The following DNAH7 variants were observed in gnomAD, a reference collection of about 807,000 sequenced individuals.
DNAH7 encodes dynein axonemal heavy chain 7.
Under a neutral mutation model 444.6 loss-of-function variants are expected in DNAH7, and 397 were observed. That is an observed-to-expected ratio of 0.89 (90% CI 0.82 to 0.97). The LOEUF is 0.97. DNAH7 is among the 50% of genes least tolerant of loss of function. DNAH7 has a pLI of 0.00. For missense variants in DNAH7, 4,902 were observed against 4,800.8 expected (o/e 1.02, Z -0.62); for synonymous variants, 1,636 against 1,624.4 (o/e 1.01, Z -0.17).
At chr2:195,850,038 G>A (rs577609940) in intron 46 of DNAH7, among the ~76,000 whole-genome samples, 3 of 152,204 alleles carry the variant, frequency 2.0e-5, no homozygotes, top group Admixed American at 2.0e-4. Flanking sequence ...GGAAGAAGTA[G>A]AGAAAATAGA....
At chr2:195,795,106 C>T (rs1412950606) in intron 56 of DNAH7, among the ~76,000 whole-genome samples, 1 of 152,208 alleles carries the variant, frequency 6.6e-6, no homozygotes, top group East Asian at 1.9e-4. Flanking sequence ...ATAGGCCAGG[C>T]ATGATGGCTC....
intron 13 of DNAH7, 45 bp downstream of exon 13, chr2:195,987,912 G>A (rs1189267779): frequency 1.3e-6 from 2 of 1,507,874 alleles, no homozygotes; most frequent in Non-Finnish European, 8.9e-7. Context: ...CTGGGGAAAA[G>A]ATACCAGATA....
chr2:195,866,781 T>G (rs112402115), intron 40 of DNAH7, among the ~76,000 whole-genome samples: 1 of 152,212 alleles, frequency 6.6e-6, no homozygotes, highest in Non-Finnish European at 1.5e-5. Flanking sequence ...GGTACAGATA[T>G]GGTTTGGCTG....
chr2:196,054,380 C>G (rs766177230), intron 2 of DNAH7, among the ~76,000 whole-genome samples: 8 of 151,768 alleles, frequency 5.3e-5, no homozygotes, highest in African/African-American at 1.9e-4. Context: ...ACAAAAATAA[C>G]CTGGGTATGG....
chr2:195,834,456 C>A lies in DNAH7; in HGVS notation c.8946-96G>T, dbSNP rs553698408. On this transcript the variant is annotated intron_variant, in intron 47 of 64. Coordinates refer to ENST00000312428, the MANE Select transcript of DNAH7 (RefSeq NM_018897.3). ...TCACAGGTCACTTTTTAAAAGTTTG[C>A]CCTTTATTGTAATATTTTACTTTTT... 31 of 1,315,724 alleles carry A rather than the reference C, an allele frequency of 2.4e-5. 1 individual carries two copies. The South Asian group carries it at 4.8e-4, about 20-fold the overall frequency. The allele number at this position is 1,315,724 out of a possible 1,614,324, so 81.5% of individuals were successfully genotyped here. A position where few individuals can be genotyped will look rare whatever the true frequency, so the allele number is the denominator to read the frequency against.
At chr2:195,803,239 T>C (rs1465105015) in intron 54 of DNAH7, among the ~76,000 whole-genome samples, 1 of 152,190 alleles carries the variant, frequency 6.6e-6, no homozygotes, top group Non-Finnish European at 1.5e-5. Flanking sequence ...AGAACATGGG[T>C]TTTAAGTGCA....
At chr2:195,962,557 T>G (rs947587893) in intron 17 of DNAH7, among the ~76,000 whole-genome samples, 1 of 152,156 alleles carries the variant, frequency 6.6e-6, no homozygotes, top group Non-Finnish European at 1.5e-5. Context: ...ACCATGTTGC[T>G]CAGGCTGGTC....
chr2:195,989,311 T>G (rs1693141590), intron 12 of DNAH7, among the ~76,000 whole-genome samples: 2 of 152,226 alleles, frequency 1.3e-5, no homozygotes, highest in Admixed American at 6.5e-5. Context: ...ACCAACAGTG[T>G]GTAGGGGTTC....
intron 59 of DNAH7, among the ~76,000 whole-genome samples, chr2:195,776,917 T>G (rs567520079): frequency 4.6e-5 from 7 of 152,304 alleles, no homozygotes; most frequent in Non-Finnish European, 8.8e-5. Flanking sequence ...GCAAACACCT[T>G]ACTTCATCTT....
At chr2:195,861,222 G>T (rs1047780685) in intron 42 of DNAH7, among the ~76,000 whole-genome samples, 2 of 151,706 alleles carry the variant, frequency 1.3e-5, no homozygotes, top group Admixed American at 1.3e-4. Context: ...AGAAATATTT[G>T]AATAAACTTC....
chr2:195,792,920 C>T (rs1695954795), intron 57 of DNAH7, among the ~76,000 whole-genome samples: 2 of 151,552 alleles, frequency 1.3e-5, no homozygotes, highest in South Asian at 2.1e-4. Flanking sequence ...GTTCCTTGTA[C>T]TATTGTTATT....
chr2:196,037,453 C>T (rs1696467746), intron 5 of DNAH7, among the ~76,000 whole-genome samples: 1 of 152,028 alleles, frequency 6.6e-6, no homozygotes, highest in African/African-American at 2.4e-5. Flanking sequence ...ATAATGATCT[C>T]AAGAAAACTC....
intron 54 of DNAH7, among the ~76,000 whole-genome samples, chr2:195,803,258 C>A (rs1211037155): frequency 6.6e-6 from 1 of 152,218 alleles, no homozygotes; most frequent in Non-Finnish European, 1.5e-5. Context: ...CATGGTTTTA[C>A]TTGAAGCAAG....
chr2:195,809,614 T>G, intron 52 of DNAH7, 131 bp downstream of exon 52: 1 of 847,474 alleles, frequency 1.2e-6, no homozygotes, highest in Non-Finnish European at 1.6e-6. Flanking sequence ...CATCTTGCCT[T>G]AACTATAATA....
At chr2:195,955,701 T>C (rs1448464294) in intron 19 of DNAH7, among the ~76,000 whole-genome samples, 1 of 152,188 alleles carries the variant, frequency 6.6e-6, no homozygotes, top group East Asian at 1.9e-4. Flanking sequence ...CTTGGCAATA[T>C]GGAATTTTGA....
intron 54 of DNAH7, among the ~76,000 whole-genome samples, chr2:195,800,795 T>C (rs928869358): frequency 6.6e-5 from 10 of 152,148 alleles, no homozygotes; most frequent in Non-Finnish European, 1.0e-4. Flanking sequence ...ATACCTATTT[T>C]TACTCATTAA....
intron 47 of DNAH7, among the ~76,000 whole-genome samples, chr2:195,836,589 T>C (rs1698386226): frequency 6.6e-6 from 1 of 151,742 alleles, no homozygotes; most frequent in African/African-American, 2.4e-5. Context: ...CATAATTCAG[T>C]CTATGACATT....
At chr2:195,843,038 A>G (rs1474877387) in intron 47 of DNAH7, among the ~76,000 whole-genome samples, 9 of 152,222 alleles carry the variant, frequency 5.9e-5, no homozygotes, top group Non-Finnish European at 1.3e-4. Flanking sequence ...TTCTGAGATA[A>G]AAACAATAAC....
chr2:195,858,344 T>G (rs1161474375), intron 43 of DNAH7, 130 bp downstream of exon 43: 1 of 810,496 alleles, frequency 1.2e-6, no homozygotes, highest in Non-Finnish European at 1.8e-6. Flanking sequence ...TTTGCCAATT[T>G]CAAAATGATT....
Sources: allele counts gnomAD v4.1 joint callset (sites outside exome capture counted in the v4.1 genomes callset), GRCh38; gene constraint gnomAD v4.1.1; transcripts MANE v1.5; gene names NCBI Gene and HGNC (gene_info 2026-07-23, HGNC 2026-07-21).